The following MDGA2 variants were observed in gnomAD, a reference collection of about 807,000 sequenced individuals.
The protein encoded by MDGA2 is MAM domain containing glycosylphosphatidylinositol anchor 2, also known as MAM domain-containing glycosylphosphatidylinositol anchor protein 2.
A neutral mutation model predicts 117.8 loss-of-function variants in MDGA2; 40 were observed. The observed-to-expected ratio is 0.34, with a 90% CI of 0.26 to 0.44. The LOEUF is 0.44. MDGA2 is among the 20% of genes least tolerant of loss of function. The probability of loss-of-function intolerance (pLI) is 1.00; values close to 1 mark genes in which losing one functional copy is unlikely to be tolerated. For missense variants in MDGA2, 1,123 were observed against 1,250.6 expected (o/e 0.90, Z 1.54); for synonymous variants, 452 against 439.0 (o/e 1.03, Z -0.37).
intron 1 of MDGA2, among the ~76,000 whole-genome samples, chr14:47,341,703 G>A (rs1890627603): frequency 6.6e-6 from 1 of 152,134 alleles, no homozygotes; most frequent in Admixed American, 6.5e-5. Flanking sequence ...TTCCCTAGAA[G>A]TAATTGAAAT....
intron 2 of MDGA2, among the ~76,000 whole-genome samples, chr14:47,280,449 T>C (rs567787102): frequency 6.6e-6 from 1 of 152,164 alleles, no homozygotes; most frequent in East Asian, 1.9e-4. Context: ...ATAGTGGCTG[T>C]AGCAGGAAGT....
At chr14:47,528,211 T>C (rs1242850360) in intron 1 of MDGA2, among the ~76,000 whole-genome samples, 6 of 152,206 alleles carry the variant, frequency 3.9e-5, no homozygotes, top group African/African-American at 1.4e-4. Flanking sequence ...CTTTCTCCTG[T>C]ACCTAAACAC....
intron 2 of MDGA2, among the ~76,000 whole-genome samples, chr14:47,228,932 G>T (rs1221494902): frequency 6.6e-6 from 1 of 152,020 alleles, no homozygotes; most frequent in Non-Finnish European, 1.5e-5. Flanking sequence ...GGCACCCTCT[G>T]CCCAATATAT....
chr14:46,956,412 A>G (rs1357610677), intron 9 of MDGA2, among the ~76,000 whole-genome samples: 4 of 152,104 alleles, frequency 2.6e-5, no homozygotes, highest in African/African-American at 9.7e-5. Flanking sequence ...AATGTTTAAA[A>G]CACAATGACA....
intron 6 of MDGA2, among the ~76,000 whole-genome samples, chr14:47,068,063 C>T (rs1890147305): frequency 2.0e-5 from 3 of 152,064 alleles, no homozygotes; most frequent in Admixed American, 2.0e-4. Flanking sequence ...AATGTAGAGT[C>T]AGACGATGAA....
At chr14:47,158,368 GT>G (rs1566656195) in intron 3 of MDGA2, among the ~76,000 whole-genome samples, 2,584 of 136,316 alleles carry the variant, frequency 0.019, 32 homozygotes, top group Middle Eastern at 0.035. Flanking sequence ...GGGTGGGTGT[GT>G]GTGTGTGTGT....
At chr14:47,334,152 C>T (rs1001612807) in intron 1 of MDGA2, among the ~76,000 whole-genome samples, 9 of 151,828 alleles carry the variant, frequency 5.9e-5, no homozygotes, top group East Asian at 5.8e-4. Flanking sequence ...ACCTTCTTGG[C>T]TTTTTTGTGG....
rs535023962 is a variant in MDGA2 at position 47,297,180 on chromosome 14, G to T, written c.420+4231C>A. Among the ~76,000 whole-genome samples the T allele has an allele frequency of 1.9e-4, 29 of 152,112 alleles. No individual in the cohort carries two copies. In the South Asian group the frequency reaches 5.6e-3, roughly 29 times the overall value. On this transcript the variant is annotated intron_variant, in intron 2 of 16. Coordinates refer to ENST00000399232, the MANE Select transcript of MDGA2 (RefSeq NM_001113498.3). ...TTCATTATCTCACTTATTAAAAATG[G>T]AACATGAACATAAATAATTACATTT...
intron 16 of MDGA2, among the ~76,000 whole-genome samples, chr14:46,842,475 A>T (rs1167486399): frequency 1.3e-5 from 2 of 152,194 alleles, no homozygotes; most frequent in East Asian, 1.9e-4. Flanking sequence ...TACAGAAATT[A>T]ACTATTGCAA....
intron 3 of MDGA2, among the ~76,000 whole-genome samples, chr14:47,160,569 A>G (rs921052882): frequency 6.6e-6 from 1 of 152,176 alleles, no homozygotes; most frequent in African/African-American, 2.4e-5. Flanking sequence ...CTGAAGCAAG[A>G]GAATCACTTA....
intron 15 of MDGA2, among the ~76,000 whole-genome samples, chr14:46,852,854 C>G (rs1881116523): frequency 6.6e-6 from 1 of 151,788 alleles, no homozygotes; most frequent in Non-Finnish European, 1.5e-5. Context: ...AACTATCTTC[C>G]CTGAAAAAGC....
chr14:47,171,046 A>T (rs906203369), intron 3 of MDGA2, among the ~76,000 whole-genome samples: 1 of 152,212 alleles, frequency 6.6e-6, no homozygotes. Flanking sequence ...TCAAATATAC[A>T]TTTGAAAAAG....
intron 1 of MDGA2, among the ~76,000 whole-genome samples, chr14:47,391,037 T>C (rs1010686730): frequency 4.6e-5 from 7 of 152,206 alleles, no homozygotes; most frequent in Non-Finnish European, 1.0e-4. Flanking sequence ...ACTAGAGACA[T>C]AGCATGTTAC....
intron 14 of MDGA2, among the ~76,000 whole-genome samples, chr14:46,860,253 A>G (rs1379652328): frequency 1.3e-5 from 2 of 152,048 alleles, no homozygotes; most frequent in Non-Finnish European, 2.9e-5. Flanking sequence ...TTTAGTGAGA[A>G]TTAAAGTATG....
At chr14:47,298,907 C>G (rs979776872) in intron 2 of MDGA2, among the ~76,000 whole-genome samples, 7 of 151,784 alleles carry the variant, frequency 4.6e-5, no homozygotes, top group Non-Finnish European at 7.4e-5. Flanking sequence ...AGGATGGTCT[C>G]GATCTCCTGA....
rs1016243331 is a variant in MDGA2 at position 46,892,275 on chromosome 14, T to G, written c.2239-10054A>C. On this transcript the variant is annotated intron_variant, in intron 10 of 16. Transcript: ENST00000399232. ...GACCCAATGAAGCAAGAATAGCCTC[T>G]TCAGTAAATAGTGTGGGAAAATGAA... Among the ~76,000 whole-genome samples the G allele has an allele frequency of 3.3e-5, 5 of 151,478 alleles. No individual in the cohort carries two copies. In the East Asian group the frequency reaches 9.7e-4, roughly 29 times the overall value.
chr14:47,301,660 A>G, intron 1 of MDGA2, 110 bp from the exon 2 acceptor site: 1 of 1,123,534 alleles, frequency 8.9e-7, no homozygotes, highest in Non-Finnish European at 1.3e-6. Flanking sequence ...CACCATAGTC[A>G]GATTAGTCAG....
chr14:47,495,394 G>A (rs1322402914), intron 1 of MDGA2, among the ~76,000 whole-genome samples: 1 of 151,274 alleles, frequency 6.6e-6, no homozygotes, highest in African/African-American at 2.4e-5. Context: ...AACTCCACTT[G>A]TATCCCTAAA....
At chr14:47,410,182 C>G (rs963883439) in intron 1 of MDGA2, among the ~76,000 whole-genome samples, 4 of 152,228 alleles carry the variant, frequency 2.6e-5, no homozygotes, top group African/African-American at 4.8e-5. Context: ...ATCTTTGGAA[C>G]TAAAGGCTTT....
Sources: allele counts gnomAD v4.1 joint callset (sites outside exome capture counted in the v4.1 genomes callset), GRCh38; gene constraint gnomAD v4.1.1; transcripts MANE v1.5; gene names NCBI Gene and HGNC (gene_info 2026-07-23, HGNC 2026-07-21).